Variants in KCNMA1 observed in about 807,000 individuals in gnomAD.
KCNMA1 encodes potassium calcium-activated channel subfamily M alpha 1.
In KCNMA1, 29 loss-of-function variants were observed where a neutral mutation model predicts 140.0. The observed-to-expected ratio is 0.21, with a 90% CI of 0.15 to 0.28. The LOEUF (loss-of-function observed/expected upper bound fraction) is 0.28. Ranked by LOEUF, KCNMA1 falls within the 10% of genes least tolerant of loss-of-function variation. The pLI is 1.00. For synonymous variants in KCNMA1, 612 were observed against 611.9 expected (o/e 1.00, Z 0.00); for missense variants, 880 against 1,602.2 (o/e 0.55, Z 7.70).
chr10:77,287,361 C>T (rs1341778109), intron 2 of KCNMA1, among the ~76,000 whole-genome samples: 1 of 152,188 alleles, frequency 6.6e-6, no homozygotes, highest in African/African-American at 2.4e-5. Context: ...ATCAGGAAAG[C>T]ACAGACTATC....
chr10:77,135,056 A>G (rs1268972245), intron 5 of KCNMA1, among the ~76,000 whole-genome samples: 1 of 144,792 alleles, frequency 6.9e-6, no homozygotes, highest in Non-Finnish European at 1.5e-5. Flanking sequence ...GAGTGAAGAG[A>G]CAACCTACAG....
intron 1 of KCNMA1, among the ~76,000 whole-genome samples, chr10:77,598,407 C>T (rs927990742): frequency 6.6e-6 from 1 of 152,124 alleles, no homozygotes; most frequent in African/African-American, 2.4e-5. Context: ...GAATGGAAAA[C>T]CTGTTTGCCT....
At chr10:77,039,912 AG>A (rs1399722023) in intron 14 of KCNMA1, among the ~76,000 whole-genome samples, 6 of 93,224 alleles carry the variant, frequency 6.4e-5, no homozygotes, top group African/African-American at 8.7e-5. Context: ...TTTTTGAGAC[AG>A]GGTCTTACTG....
At chr10:77,605,016 A>G (rs1326782542) in intron 1 of KCNMA1, among the ~76,000 whole-genome samples, 1 of 152,210 alleles carries the variant, frequency 6.6e-6, no homozygotes, top group African/African-American at 2.4e-5. Context: ...GGTCACCTAT[A>G]AAAGGTTGAG....
rs189725047 is a variant in KCNMA1 at position 77,398,487 on chromosome 10, C to T, written c.540+5375G>A. ...TTTTTTCATATGCTTGTTGGCCATT[C>T]GTATGTCTTCTTTTGAAAAATGACT... On this transcript the variant is annotated intron_variant, in intron 2 of 27. Coordinates refer to ENST00000286628, the MANE Select transcript of KCNMA1 (RefSeq NM_001161352.2). Among the ~76,000 whole-genome samples, 816 of 152,224 alleles carry T rather than the reference C, an allele frequency of 5.4e-3. 4 individuals carry two copies. The highest frequency in any genetic ancestry group is 8.9e-3 in the Non-Finnish European group (606 of 67,990).
At chr10:77,394,320 T>C (rs76302651) in intron 2 of KCNMA1, among the ~76,000 whole-genome samples, 9,583 of 152,266 alleles carry the variant, frequency 0.063, 384 homozygotes, top group East Asian at 0.18. Flanking sequence ...ACACACCAGC[T>C]AGTAAAATTA....
rs139774027 is a variant in KCNMA1, at chr10:77,252,525, T to TTGTGTGTGTGTGTG, written c.541-1283_541-1270dup. ...TGTAAAGACTAAGCATGATCAAGCT[T>TTGTGTGTGTGTGTG]TGTGTGTGTGTGTGTGTGTGTGTGT... On this transcript the variant is annotated intron_variant, in intron 2 of 27. Coordinates refer to ENST00000286628, the MANE Select transcript of KCNMA1 (RefSeq NM_001161352.2). 3.5e-3 allele frequency among the ~76,000 whole-genome samples: 504 copies of TTGTGTGTGTGTGTG among 145,814 alleles called. 3 individuals carry two copies. The highest frequency in any genetic ancestry group is 0.011 in the African/African-American group (413 of 38,766).
intron 2 of KCNMA1, among the ~76,000 whole-genome samples, chr10:77,326,876 G>A (rs190981908): frequency 6.6e-6 from 1 of 152,172 alleles, no homozygotes; most frequent in East Asian, 1.9e-4. Flanking sequence ...GTCCTTTCTA[G>A]CAATGATAAT....
intron 3 of KCNMA1, among the ~76,000 whole-genome samples, chr10:77,223,910 G>T (rs978365715): frequency 6.6e-6 from 1 of 152,124 alleles, no homozygotes; most frequent in Non-Finnish European, 1.5e-5. Context: ...ATATCCAACT[G>T]CCACGAGAGA....
chr10:77,554,885 A>T (rs1048749742), intron 1 of KCNMA1, among the ~76,000 whole-genome samples: 1 of 152,140 alleles, frequency 6.6e-6, no homozygotes, highest in Non-Finnish European at 1.5e-5. Context: ...AGGGGGCAAC[A>T]TTACACAAGG....
At chr10:76,954,129 T>C (rs1046920252) in intron 20 of KCNMA1, among the ~76,000 whole-genome samples, 2 of 152,162 alleles carry the variant, frequency 1.3e-5, no homozygotes, top group African/African-American at 4.8e-5. Context: ...AGGTGACCTT[T>C]GTCAGGGAGC....
chr10:76,891,445 G>T, intron 26 of KCNMA1, 80 bp downstream of exon 26: 1 of 1,095,186 alleles, frequency 9.1e-7, no homozygotes, highest in Non-Finnish European at 1.4e-6. Context: ...TGCCTAGCTT[G>T]TCACATCTGA....
rs1335367079 is a variant in KCNMA1, at chr10:77,440,079, C to T, written c.379-36056G>A. 2.0e-5 allele frequency among the ~76,000 whole-genome samples: 3 copies of T among 152,182 alleles called. No individual in the cohort carries two copies. In the East Asian group the frequency reaches 5.8e-4, roughly 29 times the overall value. ...ACCATAGCTTCTCCACCACTTCTTG[C>T]TATGTGACCTTAAGAAACCTTCCTA... is the stretch of plus-strand genomic sequence containing the variant. On this transcript the variant is annotated intron_variant, in intron 1 of 27. Coordinates refer to ENST00000286628, the MANE Select transcript of KCNMA1 (RefSeq NM_001161352.2).
chr10:77,470,928 C>T (rs944698298), intron 1 of KCNMA1, among the ~76,000 whole-genome samples: 1 of 152,132 alleles, frequency 6.6e-6, no homozygotes, highest in African/African-American at 2.4e-5. Flanking sequence ...GGGAATGAAG[C>T]AGGCAAGAGG....
intron 1 of KCNMA1, among the ~76,000 whole-genome samples, chr10:77,506,061 T>C (rs2154546534): frequency 6.6e-6 from 1 of 152,320 alleles, no homozygotes; most frequent in East Asian, 1.9e-4. Flanking sequence ...ACTCTTTCTC[T>C]CATTTCCTCT....
At chr10:77,607,912 T>A (rs1453624796) in intron 1 of KCNMA1, among the ~76,000 whole-genome samples, 1 of 152,140 alleles carries the variant, frequency 6.6e-6, no homozygotes, top group East Asian at 1.9e-4. Context: ...TGCTCAACAC[T>A]GCTAGCCATT....
At chr10:77,598,603 T>A (rs1200761019) in intron 1 of KCNMA1, among the ~76,000 whole-genome samples, 1 of 152,198 alleles carries the variant, frequency 6.6e-6, no homozygotes, top group Non-Finnish European at 1.5e-5. Flanking sequence ...TTTTTATAAC[T>A]TTTGAACACA....
chr10:77,483,100 A>G (rs1369614530), intron 1 of KCNMA1, among the ~76,000 whole-genome samples: 1 of 151,804 alleles, frequency 6.6e-6, no homozygotes, highest in Non-Finnish European at 1.5e-5. Flanking sequence ...TTTCACTGGT[A>G]CCCAGTCAAC....
chr10:76,890,329 G>A (rs150815316), intron 26 of KCNMA1, among the ~76,000 whole-genome samples: 69 of 152,324 alleles, frequency 4.5e-4, no homozygotes, highest in African/African-American at 1.6e-3. Context: ...ACTGGGCACT[G>A]CGGGATGGCT....
Sources: allele counts gnomAD v4.1 joint callset (sites outside exome capture counted in the v4.1 genomes callset), GRCh38; gene constraint gnomAD v4.1.1; transcripts MANE v1.5; gene names NCBI Gene and HGNC (gene_info 2026-07-23, HGNC 2026-07-21).